CAB39L: variants seen among roughly 807,000 people sequenced by gnomAD.
CAB39L encodes calcium-binding protein 39-like.
Under a neutral mutation model 39.1 loss-of-function variants are expected in CAB39L, and 23 were observed. The ratio of observed to expected loss-of-function variants is 0.59; its 90% CI spans 0.42 to 0.83. CAB39L has a LOEUF of 0.83. Ranked by LOEUF, CAB39L falls within the 40% of genes least tolerant of loss-of-function variation. The pLI is 0.00. For missense variants in CAB39L, 366 were observed against 391.9 expected (o/e 0.93, Z 0.56); for synonymous variants, 126 against 137.2 (o/e 0.92, Z 0.57).
intron 10 of CAB39L, among the ~76,000 whole-genome samples, chr13:49,326,952 C>T (rs1555672): frequency 0.61 from 93,165 of 152,030 alleles, 29,837 homozygotes; most frequent in South Asian, 0.78. Flanking sequence ...ACAATTCCTT[C>T]GGTCCAAGGG....
At chr13:49,397,328 T>C (rs1956663369) in intron 3 of CAB39L, among the ~76,000 whole-genome samples, 1 of 152,060 alleles carries the variant, frequency 6.6e-6, no homozygotes, top group African/African-American at 2.4e-5. Context: ...TTAACCAAAT[T>C]TGAGGGAGAG....
chr13:49,371,015 A>G (rs1390263204), intron 5 of CAB39L, among the ~76,000 whole-genome samples: 1 of 152,162 alleles, frequency 6.6e-6, no homozygotes, highest in Non-Finnish European at 1.5e-5. Flanking sequence ...TAAAATCAAG[A>G]CCAAACATAA....
At chr13:49,367,172 A>G (rs1321410496) in intron 5 of CAB39L, among the ~76,000 whole-genome samples, 1 of 152,210 alleles carries the variant, frequency 6.6e-6, no homozygotes, top group Non-Finnish European at 1.5e-5. Context: ...CTTAAAAAAT[A>G]AAATAAAAAT....
chr13:49,415,245 G>A (rs960683949), intron 3 of CAB39L, among the ~76,000 whole-genome samples: 6 of 151,320 alleles, frequency 4.0e-5, no homozygotes, highest in Admixed American at 1.3e-4. Flanking sequence ...GGCCAGGCGC[G>A]GTGGCTCACA....
At chr13:49,339,772 T>G in intron 8 of CAB39L, 30 bp from the exon 9 acceptor site, 1 of 1,521,906 alleles carries the variant, frequency 6.6e-7, no homozygotes, top group Non-Finnish European at 8.8e-7. Flanking sequence ...CATTAGAGTG[T>G]AAAAGCAGCA....
intron 6 of CAB39L, among the ~76,000 whole-genome samples, chr13:49,352,390 G>A (rs1013552658): frequency 1.1e-4 from 16 of 151,910 alleles, no homozygotes; most frequent in Non-Finnish European, 2.4e-4. Context: ...GTAAATATAG[G>A]AAGAATAGAA....
At chr13:49,391,608 G>T (rs1050481631) in intron 3 of CAB39L, among the ~76,000 whole-genome samples, 2 of 151,954 alleles carry the variant, frequency 1.3e-5, no homozygotes, top group African/African-American at 4.8e-5. Flanking sequence ...AAATTTATAT[G>T]GGTTTGTCAT....
chr13:49,336,074 C>T (rs1426695533), intron 9 of CAB39L, among the ~76,000 whole-genome samples: 1 of 150,628 alleles, frequency 6.6e-6, no homozygotes, highest in African/African-American at 2.4e-5. Flanking sequence ...GATCTAATTA[C>T]CAAAAGGAAA....
intron 3 of CAB39L, among the ~76,000 whole-genome samples, chr13:49,423,250 A>G (rs1343664634): frequency 1.3e-5 from 2 of 152,334 alleles, no homozygotes; most frequent in Middle Eastern, 3.4e-3. Flanking sequence ...TTGGCATATC[A>G]AACAAGTCCC....
chr13:49,380,307 C>T (rs567340517), intron 4 of CAB39L, among the ~76,000 whole-genome samples: 118 of 152,236 alleles, frequency 7.8e-4, no homozygotes, highest in Middle Eastern at 3.4e-3. Context: ...CTCTGATTTT[C>T]GAATGGTCCA....
chr13:49,337,020 C>A (rs910754335), intron 9 of CAB39L, among the ~76,000 whole-genome samples: 11 of 152,268 alleles, frequency 7.2e-5, no homozygotes, highest in African/African-American at 1.9e-4. Flanking sequence ...TGCTGGATGG[C>A]TGGCTGAAAA....
chr13:49,399,221 T>C lies in CAB39L; in HGVS notation c.-31-16280A>G, dbSNP rs554710298. Among the ~76,000 whole-genome samples, 147 of 152,188 alleles carry C rather than the reference T, an allele frequency of 9.7e-4. 1 individual carries two copies. The highest frequency in any genetic ancestry group is 3.4e-3 in the African/African-American group (141 of 41,554). On this transcript the variant is annotated intron_variant, in intron 3 of 10. Coordinates refer to ENST00000409308, the MANE Select transcript of CAB39L (RefSeq NM_001079670.3). ...ACACACTGGGCTAGACCCTTAGGAA[T>C]GGCTAAGTACAAACTCAATGGCCAG...
intron 10 of CAB39L, among the ~76,000 whole-genome samples, chr13:49,331,626 G>A (rs747526055): frequency 1.2e-4 from 18 of 152,182 alleles, no homozygotes; most frequent in Non-Finnish European, 2.4e-4. Context: ...AGTGCTTGTA[G>A]GAAGCAAAGC....
intron 1 of CAB39L, among the ~76,000 whole-genome samples, chr13:49,442,804 A>AC (rs1206176075): frequency 1.1e-4 from 16 of 149,170 alleles, no homozygotes; most frequent in African/African-American, 4.1e-4. Context: ...AAAAAAAAAA[A>AC]AAAAAAAAAA....
chr13:49,319,642 T>TAA (rs61586450), intron 10 of CAB39L, among the ~76,000 whole-genome samples: 2,032 of 136,758 alleles, frequency 0.015, 59 homozygotes, highest in African/African-American at 0.051. Context: ...TTACTTATAT[T>TAA]AAAAAAAAAA....
intron 3 of CAB39L, among the ~76,000 whole-genome samples, chr13:49,395,524 G>T (rs971182727): frequency 3.9e-5 from 6 of 152,038 alleles, no homozygotes; most frequent in African/African-American, 1.5e-4. Flanking sequence ...GAGCCACCAC[G>T]CCTGGCCTGT....
chr13:49,330,043 G>C (rs910643512), intron 10 of CAB39L, among the ~76,000 whole-genome samples: 2 of 152,130 alleles, frequency 1.3e-5, no homozygotes, highest in Non-Finnish European at 2.9e-5. Flanking sequence ...CAAAATTCCA[G>C]AGATAACCTC....
rs9535197 is a variant in CAB39L at position 49,309,308 on chromosome 13, C to T, written c.*1506G>A. The T allele has an allele frequency of 0.61, 92,488 of 152,136 alleles. 29,381 individuals are homozygous for T. The highest frequency in any genetic ancestry group is 0.77 in the South Asian group (3,715 of 4,824). 9.4% of individuals were successfully genotyped at this position (152,136 alleles called of 1,614,324 possible). On this transcript the variant is annotated 3_prime_UTR_variant, in exon 11 of 11. Transcript: ENST00000409308. ...GTCCATGCCAGGCAAGAAAGAAACA[C>T]ACACCTGGGCCTAGCCAAGGGTGGT...
chr13:49,356,479 C>G (rs930560188), intron 6 of CAB39L, among the ~76,000 whole-genome samples: 5 of 152,124 alleles, frequency 3.3e-5, no homozygotes, highest in Non-Finnish European at 7.4e-5. Context: ...TATTTATAAT[C>G]TTTTCATAGA....
Sources: gnomAD v4.1 joint callset for allele counts (sites outside exome capture counted in the v4.1 genomes callset) on GRCh38, gnomAD v4.1.1 for gene constraint, MANE v1.5 for transcripts, NCBI Gene and HGNC (gene_info 2026-07-23, HGNC 2026-07-21) for gene names.